SEMA3A: variants seen among roughly 807,000 people sequenced by gnomAD.
The protein encoded by SEMA3A is semaphorin 3A.
SEMA3A carries 29 observed loss-of-function variants against 97.9 expected under a neutral mutation model. The ratio of observed to expected loss-of-function variants is 0.30; its 90% CI spans 0.22 to 0.40. The LOEUF is 0.40. SEMA3A is among the 10% of genes least tolerant of loss of function. The probability of loss-of-function intolerance (pLI) is 1.00; values close to 1 mark genes in which losing one functional copy is unlikely to be tolerated. For missense variants in SEMA3A, 763 were observed against 951.3 expected (o/e 0.80, Z 2.60); for synonymous variants, 321 against 323.7 (o/e 0.99, Z 0.09).
At chr7:83,980,647 C>T (rs61278416) in intron 14 of SEMA3A, among the ~76,000 whole-genome samples, 45,106 of 127,666 alleles carry the variant, frequency 0.35, 8,850 homozygotes, top group Middle Eastern at 0.43. Flanking sequence ...TATACACACA[C>T]ACACACATAT....
intron 1 of SEMA3A, among the ~76,000 whole-genome samples, chr7:84,490,213 A>AAT (rs1806685397): frequency 6.6e-6 from 1 of 151,652 alleles, no homozygotes. Flanking sequence ...AAAAAAAAAA[A>AAT]AAAAAATTAA....
chr7:84,079,433 A>C (rs1051681256), intron 4 of SEMA3A, among the ~76,000 whole-genome samples: 1 of 150,994 alleles, frequency 6.6e-6, no homozygotes. Flanking sequence ...AAATGGGAGA[A>C]AATTTTCGCA....
At chr7:84,056,164 T>C (rs1792966920) in intron 5 of SEMA3A, among the ~76,000 whole-genome samples, 2 of 152,236 alleles carry the variant, frequency 1.3e-5, no homozygotes, top group Admixed American at 6.5e-5. Context: ...GACCATTCTT[T>C]CTTAACTGGA....
At chr7:84,152,555 G>C (rs1195454939) in intron 1 of SEMA3A, among the ~76,000 whole-genome samples, 2 of 110,404 alleles carry the variant, frequency 1.8e-5, no homozygotes, top group African/African-American at 3.5e-5. Flanking sequence ...GGTGGGGGGA[G>C]GGGGGAGGGA....
At position 84,060,551 on chromosome 7, in the gene SEMA3A, A is replaced by G; in HGVS notation, c.461T>C (p.Ile154Thr). Reference sequence around the variant, plus strand: ...AAAATGTGAGTTCTCCAGCTTAAAAATATTGTCCTGTGGATTTAAAAAAGA... The same window carrying G: ...AAAATGTGAGTTCTCCAGCTTAAAAGTATTGTCCTGTGGATTTAAAAAAGA... ...IEIGHHPEDN[I>T]FKLENSHFEN... The change falls in exon 5 of 17, where the codon ATT becomes ACT. Residue 154 changes from isoleucine to threonine, a missense_variant. Ile to Thr is a moderately conservative substitution (Grantham distance 89). Transcript: ENST00000265362. The G allele has an allele frequency of 6.3e-7, 1 of 1,585,578 alleles. No individual in the cohort carries two copies. The highest frequency in any genetic ancestry group is 8.6e-7 in the Non-Finnish European group (1 of 1,169,226).
intron 2 of SEMA3A, among the ~76,000 whole-genome samples, chr7:84,358,744 C>G (rs561899845): frequency 6.6e-6 from 1 of 152,070 alleles, no homozygotes; most frequent in East Asian, 1.9e-4. Context: ...ACCATTTTCA[C>G]GATATTGATT....
intron 1 of SEMA3A, among the ~76,000 whole-genome samples, chr7:84,182,223 C>T (rs969060554): frequency 1.3e-5 from 2 of 152,064 alleles, no homozygotes; most frequent in Non-Finnish European, 2.9e-5. Context: ...TTTATATCTA[C>T]GAGGTTTCAT....
rs187788293 is a variant in SEMA3A at position 84,403,879 on chromosome 7, C to T, written c.-245-31979G>A. Among the ~76,000 whole-genome samples the T allele has an allele frequency of 9.8e-3, 1,490 of 152,162 alleles. 16 individuals carry two copies. Among genetic ancestry groups the T allele is most frequent in the South Asian group, 0.029 (138 of 4,822 alleles). The stretch of plus-strand genomic sequence containing the variant: ...TAACAAACAGAAAGGACATCCACAC[C>T]AAAAACCCATCTGTAGGTCACCATC... On this transcript the variant is annotated intron_variant, in intron 1 of 3. Transcript: ENST00000424555.
intron 3 of SEMA3A, among the ~76,000 whole-genome samples, chr7:84,276,856 A>G (rs1053566749): frequency 3.3e-5 from 5 of 152,160 alleles, no homozygotes. Context: ...GATTCAATTT[A>G]TGAAATTGTT....
At chr7:84,052,472 C>T (rs1166618126) in intron 5 of SEMA3A, among the ~76,000 whole-genome samples, 1 of 152,092 alleles carries the variant, frequency 6.6e-6, no homozygotes, top group African/African-American at 2.4e-5. Context: ...TTATCCATTT[C>T]TTCTGGATTT....
chr7:84,013,246 TAGAGGG>T (rs1238271402), intron 7 of SEMA3A, among the ~76,000 whole-genome samples: 4 of 152,184 alleles, frequency 2.6e-5, no homozygotes, highest in Non-Finnish European at 5.9e-5. Flanking sequence ...CTAGGCACCG[TAGAGGG>T]AAACAAATGG....
At chr7:84,362,466 CAG>C (rs1584265723) in intron 2 of SEMA3A, among the ~76,000 whole-genome samples, 3 of 151,938 alleles carry the variant, frequency 2.0e-5, no homozygotes, top group African/African-American at 7.2e-5. Context: ...CTAAAAACAT[CAG>C]AGAGATTCAG....
chr7:84,277,239 A>C (rs1294392850), intron 3 of SEMA3A, among the ~76,000 whole-genome samples: 1 of 152,068 alleles, frequency 6.6e-6, no homozygotes, highest in Non-Finnish European at 1.5e-5. Flanking sequence ...AAATATTATT[A>C]GGCATGCATG....
In SEMA3A at chr7:84,339,727, G is replaced by A. The variant is rs17158907; in HGVS notation, c.-169+32097C>T. Among the ~76,000 whole-genome samples, 2,214 of 152,104 alleles carry A rather than the reference G, an allele frequency of 0.015. 94 individuals carry two copies. In the East Asian group the frequency reaches 0.15, roughly 11 times the overall value. ...CATTCTGAGATTCTGCTTAAATTTCGTTTTTTCCTTGATAAGTACAGTAAG... is the reference window on the plus strand; with the variant it reads ...CATTCTGAGATTCTGCTTAAATTTCATTTTTTCCTTGATAAGTACAGTAAG... On this transcript the variant is annotated intron_variant, in intron 2 of 3. Coordinates refer to the SEMA3A transcript ENST00000424555.
chr7:84,126,060 A>T (rs1013660585), intron 3 of SEMA3A, among the ~76,000 whole-genome samples: 1 of 152,170 alleles, frequency 6.6e-6, no homozygotes, highest in African/African-American at 2.4e-5. Flanking sequence ...TTTCACTTAG[A>T]AATTGTCCAT....
chr7:84,392,045 C>T (rs1019362612), intron 1 of SEMA3A, among the ~76,000 whole-genome samples: 1 of 151,780 alleles, frequency 6.6e-6, no homozygotes, highest in African/African-American at 2.4e-5. Flanking sequence ...TACAATGTGG[C>T]ATTATTAAAT....
chr7:84,345,452 A>T (rs1357000804), intron 2 of SEMA3A, among the ~76,000 whole-genome samples: 1 of 152,220 alleles, frequency 6.6e-6, no homozygotes. Context: ...TCTCTGTACC[A>T]TGCAAAGCTG....
In SEMA3A at chr7:84,098,350, A is replaced by T. The variant is rs535982948; in HGVS notation, c.453+12120T>A. On this transcript the variant is annotated intron_variant, in intron 4 of 16. Coordinates refer to ENST00000265362, the MANE Select transcript of SEMA3A (RefSeq NM_006080.3). ...ACTTTTTCCTTTTGGTAAAAAATAT[A>T]GTTATATTTTTCTTTGATTGTAAAA... Among the ~76,000 whole-genome samples the T allele has an allele frequency of 5.3e-5, 8 of 152,132 alleles. No individual in the cohort carries two copies. In the South Asian group the frequency reaches 1.7e-3, roughly 32 times the overall value.
At position 84,099,144 on chromosome 7, in the gene SEMA3A, C is replaced by T. The variant is rs1259625162; in HGVS notation, c.453+11326G>A. 7.4e-5 allele frequency among the ~76,000 whole-genome samples: 4 copies of T among 53,758 alleles called. 2 individuals carry two copies. Among genetic ancestry groups the T allele is most frequent in the Non-Finnish European group, 2.4e-4 (4 of 16,560 alleles). 35.3% of individuals were successfully genotyped at this position (53,758 alleles called of 152,430 possible). A position where few individuals can be genotyped will look rare whatever the true frequency, so the allele number is the denominator to read the frequency against. On this transcript the variant is annotated intron_variant, in intron 4 of 16. Coordinates refer to ENST00000265362, the MANE Select transcript of SEMA3A (RefSeq NM_006080.3). ...GGAGTGCAGTGGCGCGATCTCGGCT[C>T]ACTGCAAGCTCCGCCTCCCGGGTTC...
Sources: gnomAD v4.1 joint callset for allele counts (sites outside exome capture counted in the v4.1 genomes callset) on GRCh38, gnomAD v4.1.1 for gene constraint, MANE v1.5 for transcripts, NCBI Gene and HGNC (gene_info 2026-07-23, HGNC 2026-07-21) for gene names.